The following PTPRC variants were observed in gnomAD, a reference collection of about 807,000 sequenced individuals.
PTPRC encodes the protein protein tyrosine phosphatase receptor type C, also known as receptor-type tyrosine-protein phosphatase C.
A neutral mutation model predicts 155.9 loss-of-function variants in PTPRC; 44 were observed. That is an observed-to-expected ratio of 0.28 (90% CI 0.22 to 0.36). The LOEUF is 0.36. Ranked by LOEUF, PTPRC falls within the 10% of genes least tolerant of loss-of-function variation. PTPRC has a pLI of 1.00. For missense variants in PTPRC, 1,401 were observed against 1,564.6 expected (o/e 0.90, Z 1.76); for synonymous variants, 525 against 533.1 (o/e 0.98, Z 0.21).
At chr1:198,667,606 T>C (rs368803360) in intron 2 of PTPRC, among the ~76,000 whole-genome samples, 5 of 152,376 alleles carry the variant, frequency 3.3e-5, no homozygotes, top group Admixed American at 2.0e-4. Flanking sequence ...CTAGCTGTGC[T>C]ATTGAATACT....
intron 10 of PTPRC, among the ~76,000 whole-genome samples, chr1:198,709,451 A>T (rs1034782229): frequency 6.6e-6 from 1 of 152,120 alleles, no homozygotes; most frequent in Non-Finnish European, 1.5e-5. Flanking sequence ...GAAAAAAAAA[A>T]CTAAATCCAA....
intron 2 of PTPRC, among the ~76,000 whole-genome samples, chr1:198,682,581 G>C (rs1245621479): frequency 1.3e-5 from 2 of 152,036 alleles, no homozygotes; most frequent in Non-Finnish European, 2.9e-5. Context: ...ATTTTCTATG[G>C]GGAGCTTCAT....
chr1:198,645,303 A>G (rs764304351), intron 2 of PTPRC, among the ~76,000 whole-genome samples: 4 of 151,896 alleles, frequency 2.6e-5, no homozygotes, highest in Admixed American at 6.6e-5. Flanking sequence ...CAAAATCACA[A>G]TAAATATCAT....
At chr1:198,726,801 A>G (rs913265522) in intron 15 of PTPRC, among the ~76,000 whole-genome samples, 12 of 151,762 alleles carry the variant, frequency 7.9e-5, no homozygotes, top group Non-Finnish European at 1.6e-4. Flanking sequence ...TTTTCAGAGT[A>G]TATGAAAAAA....
At chr1:198,699,083 A>G (rs936472884) in intron 4 of PTPRC, among the ~76,000 whole-genome samples, 2 of 152,220 alleles carry the variant, frequency 1.3e-5, no homozygotes, top group Non-Finnish European at 2.9e-5. Context: ...AATTGTTCTT[A>G]ACACTGAACA....
chr1:198,712,773 C>A lies in PTPRC; in HGVS notation c.1172-180C>A, dbSNP rs1653379262. The A allele has an allele frequency of 4.4e-6, 3 of 678,466 alleles. No homozygotes were observed. In the East Asian group the frequency reaches 8.3e-5, roughly 19 times the overall value. The allele number at this position is 678,466 out of a possible 1,614,324, so 42.0% of individuals were successfully genotyped here. On this transcript the variant is annotated intron_variant, in intron 11 of 32. Transcript: ENST00000442510. Reference sequence around the variant, plus strand: ...CAGTGCCAATCTGGTGTGACATTTACTTTGTTAAAGGAATTTACTCTAAAA... The same window carrying A: ...CAGTGCCAATCTGGTGTGACATTTAATTTGTTAAAGGAATTTACTCTAAAA...
At position 198,718,272 on chromosome 1, in the gene PTPRC, T is replaced by A. The variant is rs776473656; in HGVS notation, c.1629T>A (p.Asp543Glu). The A allele has an allele frequency of 1.2e-6, 2 of 1,613,746 alleles. No individual in the cohort carries two copies. The highest frequency in any genetic ancestry group is 1.1e-5 in the South Asian group (1 of 91,018). ...SHKNCDFRVK[D>E]LQYSTDYTFK... ...AGAATTGCGATTTCCGTGTAAAAGATCTTCAATATTCAACAGACTACACTT... is the reference window on the plus strand; with the variant it reads ...AGAATTGCGATTTCCGTGTAAAAGAACTTCAATATTCAACAGACTACACTT... The change falls in exon 14 of 33, where the codon GAT becomes GAA. Residue 543 changes from aspartate to glutamate, a missense_variant. Asp to Glu is a conservative substitution (Grantham distance 45, BLOSUM62 2). Transcript: ENST00000442510.
chr1:198,740,581 C>CA (rs34564064), intron 23 of PTPRC, among the ~76,000 whole-genome samples: 56,602 of 149,100 alleles, frequency 0.38, 11,800 homozygotes, highest in Non-Finnish European at 0.49. Flanking sequence ...GACTTTATCT[C>CA]AAAAAAAAAG....
Position 198,756,122 on chromosome 1 carries a change from G to A in PTPRC, c.3862G>A (p.Glu1288Lys). 1 of 1,613,402 alleles carries A rather than the reference G, an allele frequency of 6.2e-7. No homozygotes were observed. The change falls in exon 33 of 33, where the codon GAG (glutamate) becomes AAG (lysine). Residue 1288 changes from glutamate (E) to lysine (K), a missense_variant. This residue lies in a region of PTPRC where 400 missense variants were observed against 389.5 expected (regional missense o/e 1.03). Transcript: ENST00000442510. ...AGGTTCTGAACCCACGAGTGGCACT[G>A]AGGGGCCAGAACATTCTGTCAATGG... ...AEGSEPTSGTEGPEHSVNGPA... is the reference protein window; with the variant it reads ...AEGSEPTSGTKGPEHSVNGPA...
intron 2 of PTPRC, among the ~76,000 whole-genome samples, chr1:198,674,373 T>C (rs942292909): frequency 5.9e-5 from 9 of 152,120 alleles, no homozygotes; most frequent in African/African-American, 2.2e-4. Context: ...TTATTATATT[T>C]TTTAAATGTG....
At chr1:198,662,069 T>C (rs1164266570) in intron 2 of PTPRC, among the ~76,000 whole-genome samples, 1 of 152,136 alleles carries the variant, frequency 6.6e-6, no homozygotes, top group African/African-American at 2.4e-5. Flanking sequence ...GGTCAGCCAG[T>C]TTTTATATTG....
chr1:198,671,820 G>A (rs1664664422), intron 2 of PTPRC, among the ~76,000 whole-genome samples: 1 of 152,028 alleles, frequency 6.6e-6, no homozygotes, highest in African/African-American at 2.4e-5. Context: ...ACTCAGCATT[G>A]ACTGACAAAG....
intron 2 of PTPRC, among the ~76,000 whole-genome samples, chr1:198,655,810 C>T (rs1265018733): frequency 2.0e-5 from 3 of 152,080 alleles, no homozygotes; most frequent in African/African-American, 7.2e-5. Context: ...GAAATGTCTC[C>T]AGGCATTGCC....
At position 198,639,354 on chromosome 1, in the gene PTPRC, A is replaced by G; in HGVS notation, c.73+13A>G. On this transcript the variant is annotated intron_variant, in intron 2 of 32. Transcript: ENST00000442510. Reference sequence around the variant, plus strand: ...GTATTTGTGACAGGTAAGTACAAGGATATTAATATTTTTTAAATTATTTTT... The same window carrying G: ...GTATTTGTGACAGGTAAGTACAAGGGTATTAATATTTTTTAAATTATTTTT... The G allele has an allele frequency of 6.4e-7, 1 of 1,570,498 alleles. No homozygotes were observed. Among genetic ancestry groups the G allele is most frequent in the African/African-American group, 1.4e-5 (1 of 73,824 alleles).
At chr1:198,726,832 T>C (rs978848550) in intron 15 of PTPRC, among the ~76,000 whole-genome samples, 1 of 151,894 alleles carries the variant, frequency 6.6e-6, no homozygotes, top group African/African-American at 2.4e-5. Flanking sequence ...TTTCATTTGT[T>C]CACTTACCTT....
chr1:198,657,019 G>GTT (rs67858981), intron 2 of PTPRC, among the ~76,000 whole-genome samples: 9,498 of 146,876 alleles, frequency 0.065, 376 homozygotes, highest in Non-Finnish European at 0.095. Context: ...GAATCAAGAG[G>GTT]TTTTTTTTTT....
chr1:198,742,461 T>G, intron 25 of PTPRC, 94 bp downstream of exon 25: 1 of 1,475,294 alleles, frequency 6.8e-7, no homozygotes, highest in Non-Finnish European at 9.4e-7. Flanking sequence ...AAAATCCAAA[T>G]TCTTCACAAC....
chr1:198,642,370 G>GTCTATCTATCTATCTATCTATCTA (rs369299301), intron 2 of PTPRC, among the ~76,000 whole-genome samples: 101 of 150,556 alleles, frequency 6.7e-4, no homozygotes, highest in Middle Eastern at 6.8e-3. Context: ...CTATCTATCT[G>GTCTATCTATCTATCTATCTATCTA]TCTATCTATC....
chr1:198,666,919 T>C (rs768351054), intron 2 of PTPRC: 2 of 152,176 alleles, frequency 1.3e-5, no homozygotes, highest in Non-Finnish European at 2.9e-5. Flanking sequence ...TTCAAATACA[T>C]TGGAGTTCTA....
Sources: gnomAD v4.1 joint callset for allele counts (sites outside exome capture counted in the v4.1 genomes callset) on GRCh38, gnomAD v4.1.1 for gene constraint, gnomAD v4.1.1 regional missense constraint, MANE v1.5 for transcripts, NCBI Gene and HGNC (gene_info 2026-07-23, HGNC 2026-07-21) for gene names.